TMTC1: variants seen among roughly 807,000 people sequenced by gnomAD.
TMTC1 encodes the protein transmembrane O-mannosyltransferase targeting cadherins 1, also known as protein O-mannosyl-transferase TMTC1.
A neutral mutation model predicts 104.8 loss-of-function variants in TMTC1; 73 were observed. The observed-to-expected ratio is 0.70, with a 90% CI of 0.58 to 0.85. The LOEUF (loss-of-function observed/expected upper bound fraction) is 0.85. Among genes scored for constraint, TMTC1 ranks in the 40% least tolerant of loss-of-function variants. The probability of loss-of-function intolerance (pLI) is 0.00; values close to 1 mark genes in which losing one functional copy is unlikely to be tolerated. For synonymous variants in TMTC1, 434 were observed against 428.7 expected (o/e 1.01, Z -0.15); for missense variants, 1,035 against 1,096.1 (o/e 0.94, Z 0.79).
At chr12:29,586,242 T>C in intron 7 of TMTC1, among the ~76,000 whole-genome samples, 1 of 152,140 alleles carries the variant, frequency 6.6e-6, no homozygotes, top group East Asian at 1.9e-4. Context: ...TCTCTGTCTG[T>C]TATTGGTGTA....
intron 7 of TMTC1, among the ~76,000 whole-genome samples, chr12:29,586,252 A>G (rs1414525559): frequency 5.3e-5 from 8 of 152,112 alleles, no homozygotes; most frequent in Non-Finnish European, 1.2e-4. Context: ...TTATTGGTGT[A>G]TAAGAATGCT....
At chr12:29,636,694 T>C (rs1456221548) in intron 5 of TMTC1, among the ~76,000 whole-genome samples, 3 of 151,952 alleles carry the variant, frequency 2.0e-5, no homozygotes, top group Non-Finnish European at 4.4e-5. Context: ...GGTGCGTGCC[T>C]GTATTCCCAG....
At chr12:29,558,096 T>C (rs554356931) in intron 9 of TMTC1, among the ~76,000 whole-genome samples, 1 of 152,334 alleles carries the variant, frequency 6.6e-6, no homozygotes, top group East Asian at 1.9e-4. Context: ...AACCAATTTA[T>C]TTCCTAAACT....
intron 5 of TMTC1, among the ~76,000 whole-genome samples, chr12:29,638,290 G>C (rs1298314596): frequency 6.6e-6 from 1 of 152,048 alleles, no homozygotes; most frequent in Non-Finnish European, 1.5e-5. Flanking sequence ...AAGAGCTGAA[G>C]AGCACGCCGA....
chr12:29,701,602 T>G (rs763020475), intron 5 of TMTC1, among the ~76,000 whole-genome samples: 9 of 152,228 alleles, frequency 5.9e-5, no homozygotes, highest in Non-Finnish European at 1.2e-4. Flanking sequence ...TCACTAGCTT[T>G]CCCCTAGTAA....
At chr12:29,648,896 C>T (rs1057138670) in intron 5 of TMTC1, among the ~76,000 whole-genome samples, 3 of 151,892 alleles carry the variant, frequency 2.0e-5, no homozygotes, top group African/African-American at 7.3e-5. Flanking sequence ...TGCGGTGTGC[C>T]TTTACACTTC....
intron 11 of TMTC1, chr12:29,521,090 T>C (rs989392761): frequency 4.5e-5 from 8 of 177,288 alleles, no homozygotes; most frequent in South Asian, 2.7e-4. Context: ...AAACGGGGGA[T>C]GCAAAAATGG....
chr12:29,744,087 T>C (rs182406971), intron 5 of TMTC1, among the ~76,000 whole-genome samples: 213 of 152,342 alleles, frequency 1.4e-3, no homozygotes, highest in Non-Finnish European at 2.7e-3. Flanking sequence ...GAAATGCCTA[T>C]GTTCTGACAG....
At chr12:29,678,278 T>C (rs948974552) in intron 5 of TMTC1, among the ~76,000 whole-genome samples, 2 of 152,198 alleles carry the variant, frequency 1.3e-5, no homozygotes, top group Non-Finnish European at 2.9e-5. Context: ...GAGATTGGCT[T>C]ATAGTTCTCC....
In TMTC1 at chr12:29,512,030, A is replaced by G. The variant is rs762558856; in HGVS notation, c.2508+13T>C. The G allele has an allele frequency of 1.3e-5, 21 of 1,613,734 alleles. No individual in the cohort carries two copies. In the Middle Eastern group the frequency reaches 8.3e-4, roughly 63 times the overall value. On this transcript the variant is annotated intron_variant, in intron 17 of 17. Transcript: ENST00000539277. ...GAAAGCCCGGTCCACATGGGAGTGA[A>G]TTATTCTCCTACCTTGATGTGTTGG... is the stretch of plus-strand genomic sequence containing the variant.
intron 10 of TMTC1, among the ~76,000 whole-genome samples, chr12:29,539,835 T>C (rs897213509): frequency 6.6e-6 from 1 of 152,176 alleles, no homozygotes; most frequent in African/African-American, 2.4e-5. Flanking sequence ...CTTTCATGAT[T>C]TGCCCTGCTC....
rs913077813 is a variant in TMTC1 at position 29,501,432 on chromosome 12, G to T, written c.*5414C>A. 2 of 152,148 alleles carry T rather than the reference G, an allele frequency of 1.3e-5. No individual in the cohort carries two copies. The highest frequency in any genetic ancestry group is 4.8e-5 in the African/African-American group (2 of 41,428). The allele number at this position is 152,148 out of a possible 1,614,324, so 9.4% of individuals were successfully genotyped here. ...CATCAAACCGACGAGTCCTTTCATG[G>T]GTGGTAAACATGACTGGGAGACAAT... is the stretch of plus-strand genomic sequence containing the variant. On this transcript the variant is annotated 3_prime_UTR_variant, in exon 18 of 18. Coordinates refer to ENST00000539277, the MANE Select transcript of TMTC1 (RefSeq NM_001193451.2).
In TMTC1 at chr12:29,520,715, C is replaced by A. The variant is rs1944126298; in HGVS notation, c.1791G>T (p.Arg597=). The change falls in exon 12 of 18, where the codon CGG becomes CGT. Residue 597 remains arginine, a synonymous_variant. Coordinates refer to ENST00000539277, the MANE Select transcript of TMTC1 (RefSeq NM_001193451.2). ...SLASLLAEQE[R]FKEAEEIYQT... is the part of the protein sequence containing the mutation. Reference sequence around the variant, plus strand: ...GGTATATTTCTTCAGCTTCTTTAAACCGCTCCTTTAAAAAGAAAGAAACAA... The same window carrying A: ...GGTATATTTCTTCAGCTTCTTTAAAACGCTCCTTTAAAAAGAAAGAAACAA... The A allele has an allele frequency of 1.9e-6, 3 of 1,608,710 alleles. No homozygotes were observed. In the South Asian group the frequency reaches 3.3e-5, roughly 18 times the overall value.
chr12:29,650,738 G>A (rs750656170), intron 5 of TMTC1, among the ~76,000 whole-genome samples: 5 of 152,186 alleles, frequency 3.3e-5, no homozygotes, highest in African/African-American at 7.2e-5. Flanking sequence ...CAGGTGGGAC[G>A]TAGACCTACT....
At chr12:29,768,357 T>A (rs2120508540) in intron 1 of TMTC1, among the ~76,000 whole-genome samples, 1 of 152,336 alleles carries the variant, frequency 6.6e-6, no homozygotes, top group East Asian at 1.9e-4. Context: ...GAGCCTGTTT[T>A]TCCATCACTC....
At chr12:29,547,682 C>T (rs1944977176) in intron 10 of TMTC1, among the ~76,000 whole-genome samples, 3 of 152,088 alleles carry the variant, frequency 2.0e-5, no homozygotes. Flanking sequence ...TGGCTGGGGT[C>T]TGGGTTTACA....
intron 1 of TMTC1, among the ~76,000 whole-genome samples, chr12:29,774,365 T>C (rs1202306421): frequency 6.6e-6 from 1 of 152,208 alleles, no homozygotes; most frequent in African/African-American, 2.4e-5. Context: ...GGAAGGCTGC[T>C]AGTATTGCCC....
chr12:29,682,459 G>A (rs1940952150), intron 5 of TMTC1, among the ~76,000 whole-genome samples: 1 of 152,016 alleles, frequency 6.6e-6, no homozygotes, highest in South Asian at 2.1e-4. Flanking sequence ...AGTTGTAATA[G>A]CGCAAAACTG....
chr12:29,637,195 TA>T (rs1938604779), intron 5 of TMTC1, among the ~76,000 whole-genome samples: 1 of 151,810 alleles, frequency 6.6e-6, no homozygotes, highest in African/African-American at 2.4e-5. Context: ...ACACTGGAGA[TA>T]GGGGGTGGAG....
Sources: gnomAD v4.1 joint callset for allele counts (sites outside exome capture counted in the v4.1 genomes callset) on GRCh38, gnomAD v4.1.1 for gene constraint, MANE v1.5 for transcripts, NCBI Gene and HGNC (gene_info 2026-07-23, HGNC 2026-07-21) for gene names.